The following ADAMTSL1 variants were observed in gnomAD, a reference collection of about 807,000 sequenced individuals.
ADAMTSL1 encodes the protein ADAMTS-like protein 1.
Under a neutral mutation model 201.8 loss-of-function variants are expected in ADAMTSL1, and 126 were observed. The ratio of observed to expected loss-of-function variants is 0.62; its 90% CI spans 0.54 to 0.72. The LOEUF (loss-of-function observed/expected upper bound fraction) is 0.72. ADAMTSL1 is among the 30% of genes least tolerant of loss of function. The pLI, the probability that ADAMTSL1 is intolerant of heterozygous loss-of-function variation, is 0.00. For synonymous variants in ADAMTSL1, 1,121 were observed against 903.4 expected (o/e 1.24, Z -4.32); for missense variants, 2,679 against 2,277.8 (o/e 1.18, Z -3.59).
intron 4 of ADAMTSL1, among the ~76,000 whole-genome samples, chr9:18,619,673 TAG>T (rs151055431): frequency 0.013 from 2,049 of 152,286 alleles, 49 homozygotes; most frequent in African/African-American, 0.047. Flanking sequence ...TCTTTAGACT[TAG>T]AGAGAGATTT....
At chr9:18,726,003 A>G (rs764777026) in intron 15 of ADAMTSL1, among the ~76,000 whole-genome samples, 1 of 152,230 alleles carries the variant, frequency 6.6e-6, no homozygotes, top group Non-Finnish European at 1.5e-5. Context: ...ACTTTCAGCT[A>G]TCTGACCTTC....
chr9:18,224,363 A>G (rs577718332), intron 2 of ADAMTSL1, among the ~76,000 whole-genome samples: 3 of 152,200 alleles, frequency 2.0e-5, no homozygotes, highest in African/African-American at 7.2e-5. Context: ...AAGAGCAAAA[A>G]TGGGGACAAA....
chr9:17,916,713 T>C (rs1459497081), intron 1 of ADAMTSL1, among the ~76,000 whole-genome samples: 2 of 152,198 alleles, frequency 1.3e-5, no homozygotes, highest in Non-Finnish European at 2.9e-5. Context: ...GGTATAGCCT[T>C]ATAAAAAGTC....
intron 1 of ADAMTSL1, among the ~76,000 whole-genome samples, chr9:18,002,893 G>T (rs1239705520): frequency 6.6e-6 from 1 of 152,004 alleles, no homozygotes; most frequent in Non-Finnish European, 1.5e-5. Context: ...AAGATCCTTT[G>T]TATGTCCAAA....
intron 2 of ADAMTSL1, among the ~76,000 whole-genome samples, chr9:18,529,901 G>A (rs538221634): frequency 6.6e-6 from 1 of 152,076 alleles, no homozygotes; most frequent in African/African-American, 2.4e-5. Context: ...ATGACAAGTG[G>A]GTTTTCTTTG....
intron 1 of ADAMTSL1, among the ~76,000 whole-genome samples, chr9:17,957,848 C>T (rs915461425): frequency 2.0e-5 from 3 of 152,082 alleles, no homozygotes; most frequent in African/African-American, 7.2e-5. Flanking sequence ...TGCTGGGAGT[C>T]ACCCAAAGCT....
chr9:18,676,546 G>T (rs1032863808), intron 10 of ADAMTSL1, among the ~76,000 whole-genome samples: 1 of 152,010 alleles, frequency 6.6e-6, no homozygotes, highest in Non-Finnish European at 1.5e-5. Flanking sequence ...ACTTTTAAAA[G>T]AAAGTGTTCC....
At chr9:18,528,492 A>G (rs891429047) in intron 2 of ADAMTSL1, among the ~76,000 whole-genome samples, 1 of 152,118 alleles carries the variant, frequency 6.6e-6, no homozygotes, top group African/African-American at 2.4e-5. Context: ...TTTGCTGAGG[A>G]TAATGGTTTC....
At chr9:18,190,371 A>C (rs1056820504) in intron 2 of ADAMTSL1, among the ~76,000 whole-genome samples, 1 of 152,188 alleles carries the variant, frequency 6.6e-6, no homozygotes, top group African/African-American at 2.4e-5. Context: ...AGCTGACTTT[A>C]TTCCATGGAA....
At chr9:18,565,824 A>G (rs926349229) in intron 3 of ADAMTSL1, among the ~76,000 whole-genome samples, 1 of 152,236 alleles carries the variant, frequency 6.6e-6, no homozygotes, top group Non-Finnish European at 1.5e-5. Context: ...TCTTGCACAA[A>G]TAAATGCTTT....
chr9:18,668,378 T>TCAA (rs1307195606), intron 9 of ADAMTSL1, among the ~76,000 whole-genome samples: 2 of 152,172 alleles, frequency 1.3e-5, no homozygotes, highest in African/African-American at 4.8e-5. Flanking sequence ...AATCACATAA[T>TCAA]CAACTATAAC....
chr9:18,046,530 G>A (rs745876425), intron 1 of ADAMTSL1, among the ~76,000 whole-genome samples: 9 of 152,104 alleles, frequency 5.9e-5, no homozygotes, highest in Non-Finnish European at 1.0e-4. Context: ...TAGCTGCAAG[G>A]GAGTAGTCTT....
At chr9:18,241,462 T>G (rs980802453) in intron 2 of ADAMTSL1, among the ~76,000 whole-genome samples, 7 of 152,124 alleles carry the variant, frequency 4.6e-5, no homozygotes, top group Non-Finnish European at 7.4e-5. Flanking sequence ...TCTTGCCTTT[T>G]GCAGTAGAGC....
intron 7 of ADAMTSL1, chr9:18,651,369 C>G (rs565338193): frequency 1.3e-5 from 2 of 152,242 alleles, no homozygotes; most frequent in African/African-American, 4.8e-5. Context: ...TCCAACTCAG[C>G]TCTACCTGTT....
intron 1 of ADAMTSL1, among the ~76,000 whole-genome samples, chr9:18,061,410 C>T (rs1822450176): frequency 1.3e-5 from 2 of 152,098 alleles, no homozygotes. Flanking sequence ...CCTCAGTTTA[C>T]TCCCATGTGA....
chr9:18,446,021 T>A (rs913273439), intron 2 of ADAMTSL1, among the ~76,000 whole-genome samples: 2 of 152,118 alleles, frequency 1.3e-5, no homozygotes, highest in African/African-American at 2.4e-5. Flanking sequence ...CTTAAGACAA[T>A]ATAACCAGGA....
intron 1 of ADAMTSL1, among the ~76,000 whole-genome samples, chr9:18,013,755 A>C (rs1032038233): frequency 5.3e-5 from 8 of 152,004 alleles, no homozygotes; most frequent in Admixed American, 2.0e-4. Flanking sequence ...CTAATTTAAA[A>C]AGTTGGAAGG....
At position 18,162,116 on chromosome 9, in the gene ADAMTSL1, A is replaced by G. The variant is rs566332752; in HGVS notation, c.88-1746A>G. On this transcript the variant is annotated intron_variant, in intron 1 of 29. Coordinates refer to the ADAMTSL1 transcript ENST00000680146. ...CTGGTCCGTGTATTACTGGGTTAAAATCAAGATATTGGCTGAAGATAACAG... is the reference window on the plus strand; with the variant it reads ...CTGGTCCGTGTATTACTGGGTTAAAGTCAAGATATTGGCTGAAGATAACAG... Among the ~76,000 whole-genome samples the G allele has an allele frequency of 2.6e-5, 4 of 152,182 alleles. No homozygotes were observed. In the South Asian group the frequency reaches 6.2e-4, roughly 24 times the overall value.
At chr9:18,813,121 C>T (rs1823613850) in intron 20 of ADAMTSL1, among the ~76,000 whole-genome samples, 1 of 151,996 alleles carries the variant, frequency 6.6e-6, no homozygotes. Context: ...GCTGTGCCAC[C>T]ACGCCCAGCT....
Sources: allele counts gnomAD v4.1 joint callset (sites outside exome capture counted in the v4.1 genomes callset), GRCh38; gene constraint gnomAD v4.1.1; transcripts MANE v1.5; gene names NCBI Gene and HGNC (gene_info 2026-07-23, HGNC 2026-07-21).